MAD1L1: variants seen among roughly 807,000 people sequenced by gnomAD.
The protein encoded by MAD1L1 is mitotic arrest deficient 1 like 1.
MAD1L1 carries 95 observed loss-of-function variants against 96.9 expected under a neutral mutation model. The ratio of observed to expected loss-of-function variants is 0.98; its 90% CI spans 0.83 to 1.16. The LOEUF is 1.16. Among genes scored for constraint, MAD1L1 ranks in the 50% most tolerant of loss-of-function variants. The pLI is 0.00. For missense variants in MAD1L1, 1,007 were observed against 954.4 expected (o/e 1.06, Z -0.73); for synonymous variants, 473 against 396.6 (o/e 1.19, Z -2.29).
chr7:2,152,997 C>G (rs766995705), intron 10 of MAD1L1, among the ~76,000 whole-genome samples: 5 of 152,086 alleles, frequency 3.3e-5, no homozygotes, highest in Admixed American at 6.6e-5. Context: ...TCGGCAGTGT[C>G]AATCAAAAGA....
chr7:2,029,460 G>A (rs530856181), intron 12 of MAD1L1, among the ~76,000 whole-genome samples: 67 of 152,304 alleles, frequency 4.4e-4, no homozygotes, highest in East Asian at 1.2e-3. Context: ...GTTCCCGACC[G>A]TGGAGCTGAG....
At chr7:2,010,070 GTTTTTTTTTTTTT>G (rs56012894) in intron 13 of MAD1L1, among the ~76,000 whole-genome samples, 1 of 89,796 alleles carries the variant, frequency 1.1e-5, no homozygotes, top group East Asian at 3.8e-4. Context: ...TTTTTAACAG[GTTTTTTTTTTTTT>G]TTTTTTTTTT....
chr7:2,037,210 T>C (rs1162128792), intron 12 of MAD1L1, among the ~76,000 whole-genome samples: 4 of 150,222 alleles, frequency 2.7e-5, no homozygotes, highest in Admixed American at 6.6e-5. Flanking sequence ...GACTCTTCTT[T>C]TTTTTTTTTT....
At chr7:1,976,631 C>T (rs1047955129) in intron 15 of MAD1L1, among the ~76,000 whole-genome samples, 10 of 152,190 alleles carry the variant, frequency 6.6e-5, no homozygotes, top group Admixed American at 1.3e-4. Context: ...CCGCTGCTAG[C>T]TCTGGCAGCC....
intron 16 of MAD1L1, among the ~76,000 whole-genome samples, chr7:1,951,263 C>T (rs1779483631): frequency 6.6e-6 from 1 of 152,248 alleles, no homozygotes; most frequent in Admixed American, 6.5e-5. Context: ...GCTCAGGCAG[C>T]AGGTGCAGGA....
At chr7:1,845,455 G>C (rs1783549456) in intron 18 of MAD1L1, 1 of 69,888 alleles carries the variant, frequency 1.4e-5, no homozygotes, top group East Asian at 5.1e-4. Context: ...CTGTTTAGGA[G>C]ATGGACGTGC....
intron 16 of MAD1L1, among the ~76,000 whole-genome samples, chr7:1,939,192 G>GCACACA (rs1562543253): frequency 6.3e-5 from 1 of 15,848 alleles, no homozygotes; most frequent in Admixed American, 9.0e-4. Flanking sequence ...GACCAGAGGC[G>GCACACA]CTCACACACA....
chr7:1,988,401 C>T (rs764043176), intron 14 of MAD1L1, among the ~76,000 whole-genome samples: 10 of 152,174 alleles, frequency 6.6e-5, no homozygotes, highest in Non-Finnish European at 1.3e-4. Flanking sequence ...CTTTGTGGAG[C>T]GCCCAGCCTA....
chr7:2,077,604 C>T (rs145614003), intron 11 of MAD1L1, among the ~76,000 whole-genome samples: 4 of 152,328 alleles, frequency 2.6e-5, no homozygotes, highest in Admixed American at 6.5e-5. Context: ...GGGAGGGCTG[C>T]GACCCAGCGG....
At chr7:2,174,463 T>C (rs1447685513) in intron 10 of MAD1L1, among the ~76,000 whole-genome samples, 1 of 152,222 alleles carries the variant, frequency 6.6e-6, no homozygotes, top group Non-Finnish European at 1.5e-5. Context: ...TCCTTCAGTC[T>C]AGAAGAGGAT....
chr7:1,928,440 C>A (rs527347862), intron 17 of MAD1L1, among the ~76,000 whole-genome samples: 8 of 152,064 alleles, frequency 5.3e-5, no homozygotes, highest in Admixed American at 5.2e-4. Flanking sequence ...TCCCCACGAC[C>A]CACCGGTCCC....
chr7:1,864,041 C>T (rs930698276), intron 18 of MAD1L1, among the ~76,000 whole-genome samples: 2 of 152,070 alleles, frequency 1.3e-5, no homozygotes, highest in Non-Finnish European at 2.9e-5. Flanking sequence ...TGCAGTGAGC[C>T]GAGATCGCGC....
rs1304942387 is a variant in MAD1L1, at chr7:1,971,330, T to A, written c.1505+9123A>T. Among the ~76,000 whole-genome samples the A allele has an allele frequency of 6.6e-5, 10 of 152,290 alleles. No homozygotes were observed. The East Asian group carries it at 1.9e-3, about 29-fold the overall frequency. On this transcript the variant is annotated intron_variant, in intron 15 of 18. Coordinates refer to ENST00000265854, the MANE Select transcript of MAD1L1 (RefSeq NM_001013836.2). ...GCTCCTACAGGCTACAGTTGGTCTT[T>A]CCAGACACACAGAATTCTCTCGCAC...
In MAD1L1 at chr7:2,196,600, A is replaced by C. The variant is rs997725842; in HGVS notation, c.986+16612T>G. Among the ~76,000 whole-genome samples, 15 of 152,370 alleles carry C rather than the reference A, an allele frequency of 9.8e-5. No homozygotes were observed. The East Asian group carries it at 2.5e-3, about 25-fold the overall frequency. Reference sequence around the variant, plus strand: ...GCCAGCCCAAAGCCTGGCAAACGGCAGGTCTCCAAATAAATGTTCAGATGA... The same window carrying C: ...GCCAGCCCAAAGCCTGGCAAACGGCCGGTCTCCAAATAAATGTTCAGATGA... On this transcript the variant is annotated intron_variant, in intron 10 of 18. Coordinates refer to ENST00000265854, the MANE Select transcript of MAD1L1 (RefSeq NM_001013836.2).
At chr7:2,180,595 T>C (rs189255832) in intron 10 of MAD1L1, among the ~76,000 whole-genome samples, 20 of 152,320 alleles carry the variant, frequency 1.3e-4, no homozygotes, top group African/African-American at 4.8e-4. Flanking sequence ...ACTGGGCTTG[T>C]TTCTGTAGCA....
chr7:2,213,867 T>A (rs1793116831), intron 9 of MAD1L1, among the ~76,000 whole-genome samples: 1 of 152,116 alleles, frequency 6.6e-6, no homozygotes, highest in Admixed American at 6.5e-5. Flanking sequence ...AAGAGGTGAG[T>A]CTCACGGCCC....
chr7:2,056,412 C>A (rs1014059367), intron 12 of MAD1L1, among the ~76,000 whole-genome samples: 3 of 152,130 alleles, frequency 2.0e-5, no homozygotes, highest in Non-Finnish European at 4.4e-5. Context: ...CTGCTCTGCT[C>A]TGCTCTGCTC....
intron 18 of MAD1L1, among the ~76,000 whole-genome samples, chr7:1,867,961 A>G (rs760132689): frequency 6.6e-6 from 1 of 152,218 alleles, no homozygotes; most frequent in Non-Finnish European, 1.5e-5. Flanking sequence ...CGGGGCGACA[A>G]CCGTCTCTGA....
At chr7:1,895,140 G>A (rs1436330610) in intron 18 of MAD1L1, among the ~76,000 whole-genome samples, 2 of 152,210 alleles carry the variant, frequency 1.3e-5, no homozygotes, top group Admixed American at 6.5e-5. Context: ...GAAGAGGATG[G>A]AGCAGGTGGG....
Sources: allele counts gnomAD v4.1 joint callset (sites outside exome capture counted in the v4.1 genomes callset), GRCh38; gene constraint gnomAD v4.1.1; transcripts MANE v1.5; gene names NCBI Gene and HGNC (gene_info 2026-07-23, HGNC 2026-07-21).